Variants in RNF128 observed in about 807,000 individuals in gnomAD.
The protein encoded by RNF128 is ring finger protein 128.
In RNF128, 13 loss-of-function variants were observed where a neutral mutation model predicts 26.2. The ratio of observed to expected loss-of-function variants is 0.50; its 90% confidence interval spans 0.32 to 0.79. RNF128 has a LOEUF of 0.79. RNF128 is among the 30% of genes least tolerant of loss of function. The probability of loss-of-function intolerance (pLI) is 0.03; values close to 1 mark genes in which losing one functional copy is unlikely to be tolerated. For missense variants in RNF128, 315 were observed against 349.7 expected (o/e 0.90, Z 0.79); for synonymous variants, 149 against 142.5 (o/e 1.05, Z -0.32).
At chrX:106,781,791 G>C (rs1170709966) in intron 2 of RNF128, among the ~76,000 whole-genome samples, 1 of 111,641 alleles carries the variant, frequency 9.0e-6, no homozygotes, top group African/African-American at 3.3e-5. Flanking sequence ...AAATCTTTTA[G>C]AGATCCTTTA....
intron 1 of RNF128, among the ~76,000 whole-genome samples, chrX:106,721,302 G>T (rs910905547): frequency 2.7e-5 from 3 of 111,935 alleles, no homozygotes; most frequent in Non-Finnish European, 5.6e-5. Context: ...CCAGGATACC[G>T]TTTGTCCCAA....
chrX:106,702,770 A>T (rs1012382960), intron 1 of RNF128, among the ~76,000 whole-genome samples: 7 of 111,870 alleles, frequency 6.3e-5, no homozygotes, highest in African/African-American at 2.3e-4. Flanking sequence ...AACAAAACAG[A>T]TTTCTTACTG....
intron 1 of RNF128, among the ~76,000 whole-genome samples, chrX:106,697,239 G>T (rs1479098212): frequency 2.7e-5 from 3 of 111,922 alleles, no homozygotes; most frequent in African/African-American, 9.8e-5. Flanking sequence ...GAGATATTTG[G>T]TAGTTACCCT....
chrX:106,733,106 C>A (rs1427128720), intron 1 of RNF128, among the ~76,000 whole-genome samples: 2 of 110,768 alleles, frequency 1.8e-5, no homozygotes, highest in African/African-American at 6.6e-5. Flanking sequence ...GCATTTACAT[C>A]ATATTAGGTA....
At chrX:106,711,465 C>A (rs1322926219) in intron 1 of RNF128, among the ~76,000 whole-genome samples, 4 of 111,996 alleles carry the variant, frequency 3.6e-5, no homozygotes, top group Non-Finnish European at 1.9e-5. Context: ...GTGAGCCAGA[C>A]TTATCCATAC....
chrX:106,767,541 T>C (rs1318720047), intron 1 of RNF128, among the ~76,000 whole-genome samples: 1 of 111,835 alleles, frequency 8.9e-6, no homozygotes, highest in Non-Finnish European at 1.9e-5. Flanking sequence ...ATAAGAATGC[T>C]TGTGATTTTT....
chrX:106,769,295 T>C (rs1395812833), intron 1 of RNF128, among the ~76,000 whole-genome samples: 1 of 111,212 alleles, frequency 9.0e-6, no homozygotes. Flanking sequence ...CGTTGATCTG[T>C]CTAATGTTGA....
At chrX:106,695,492 CA>C (rs1303966068) in intron 1 of RNF128, among the ~76,000 whole-genome samples, 2 of 111,182 alleles carry the variant, frequency 1.8e-5, no homozygotes, top group Middle Eastern at 4.6e-3. Context: ...CGCTAAGCAT[CA>C]AAAAAACAAG....
In RNF128 at chrX:106,795,597, G is replaced by C. The variant is rs1238035489; in HGVS notation, c.1171G>C (p.Val391Leu). ...VQSTNESLQL[V>L]NHEANSVAVD... ...TTTTAAAGATGAAAGTCTACAGCTG[G>C]TAAACCATGAAGCAAATTCTGTGGC... Residue 391 changes from valine to leucine, a missense_variant, in exon 7 of 7, where the codon GTA becomes CTA. Physicochemically the swap from Val to Leu is conservative, Grantham distance 32. Coordinates refer to ENST00000255499, the MANE Select transcript of RNF128 (RefSeq NM_194463.2). 8.4e-7 allele frequency: 1 copy of C among 1,197,583 alleles called. No individual in the cohort carries two copies. Among genetic ancestry groups the C allele is most frequent in the African/African-American group, 1.7e-5 (1 of 57,213 alleles).
rs752968456 is a variant in RNF128 at position 106,694,553 on chromosome X, T to TTTA, written c.406+154_406+156dup. ...CTTGCCTGGCACAACTTGTAATTAC[T>TTTA]TTATTATTATTTAATATTTTTAATT... On this transcript the variant is annotated intron_variant, in intron 1 of 6. Transcript: ENST00000324342. 550 of 325,465 alleles carry TTTA rather than the reference T, an allele frequency of 1.7e-3. 3 individuals are homozygous for TTTA. The highest frequency in any genetic ancestry group is 0.014 in the African/African-American group (497 of 36,619). The allele number at this position is 325,465 out of a possible 1,213,427, so 26.8% of individuals were successfully genotyped here. A position where few individuals can be genotyped will look rare whatever the true frequency, so the allele number is the denominator to read the frequency against.
At chrX:106,735,352 T>C (rs1432182342) in intron 1 of RNF128, among the ~76,000 whole-genome samples, 3 of 111,588 alleles carry the variant, frequency 2.7e-5, no homozygotes, top group Non-Finnish European at 5.6e-5. Flanking sequence ...ATAGTTGATA[T>C]ATGTTTCTCT....
chrX:106,713,201 A>T (rs1200959383), intron 1 of RNF128, among the ~76,000 whole-genome samples: 5 of 100,120 alleles, frequency 5.0e-5, no homozygotes, highest in Admixed American at 2.1e-4. Flanking sequence ...GAAGTTAATT[A>T]AAAAAAAAAA....
chrX:106,714,274 T>A (rs1318915111), intron 1 of RNF128, among the ~76,000 whole-genome samples: 1 of 111,676 alleles, frequency 9.0e-6, no homozygotes, highest in African/African-American at 3.3e-5. Flanking sequence ...TTTTTTTTTA[T>A]GTTTTAAGAA....
At chrX:106,716,299 A>G (rs1929215606) in intron 1 of RNF128, among the ~76,000 whole-genome samples, 1 of 111,787 alleles carries the variant, frequency 8.9e-6, no homozygotes, top group African/African-American at 3.3e-5. Flanking sequence ...CCAACGCAAT[A>G]ACATGGATGA....
At chrX:106,702,297 A>G (rs1569434290) in intron 1 of RNF128, among the ~76,000 whole-genome samples, 1 of 111,580 alleles carries the variant, frequency 9.0e-6, no homozygotes, top group Non-Finnish European at 1.9e-5. Flanking sequence ...GCATCTAAAC[A>G]TGTGCCATTT....
chrX:106,745,991 G>T (rs1391857160), intron 1 of RNF128, among the ~76,000 whole-genome samples: 1 of 111,273 alleles, frequency 9.0e-6, no homozygotes, highest in Non-Finnish European at 1.9e-5. Flanking sequence ...TGGACAAAAT[G>T]AATATTTAGA....
At chrX:106,704,654 T>C (rs1296572479) in intron 1 of RNF128, among the ~76,000 whole-genome samples, 2 of 110,827 alleles carry the variant, frequency 1.8e-5, no homozygotes, top group Non-Finnish European at 3.8e-5. Flanking sequence ...AGTATACAAG[T>C]TAAACATCTG....
chrX:106,738,810 G>A (rs559739479), intron 1 of RNF128, among the ~76,000 whole-genome samples: 1 of 111,209 alleles, frequency 9.0e-6, no homozygotes, highest in African/African-American at 3.3e-5. Context: ...GTTATTGTGA[G>A]GTGTAAATTA....
At chrX:106,740,017 A>G (rs372431037) in intron 1 of RNF128, among the ~76,000 whole-genome samples, 4 of 111,703 alleles carry the variant, frequency 3.6e-5, no homozygotes, top group African/African-American at 9.8e-5. Flanking sequence ...GCAATTTCCA[A>G]CCCAATCCCC....
Sources: allele counts gnomAD v4.1 joint callset (sites outside exome capture counted in the v4.1 genomes callset), GRCh38; gene constraint gnomAD v4.1.1; transcripts MANE v1.5; gene names NCBI Gene and HGNC (gene_info 2026-07-23, HGNC 2026-07-21).